Variants in SLC24A3 observed in about 807,000 individuals in gnomAD.
SLC24A3 encodes the protein sodium/potassium/calcium exchanger 3.
In SLC24A3, 28 loss-of-function variants were observed where a neutral mutation model predicts 75.8. The ratio of observed to expected loss-of-function variants is 0.37; its 90% CI spans 0.27 to 0.51. The LOEUF (loss-of-function observed/expected upper bound fraction) is 0.51, where lower values mean the gene tolerates loss of function less well. SLC24A3 is among the 20% of genes least tolerant of loss of function. SLC24A3 has a pLI of 0.94. For synonymous variants in SLC24A3, 372 were observed against 334.1 expected (o/e 1.11, Z -1.24); for missense variants, 663 against 847.8 (o/e 0.78, Z 2.71).
chr20:19,253,099 A>G (rs573218868), intron 1 of SLC24A3, among the ~76,000 whole-genome samples: 1 of 152,290 alleles, frequency 6.6e-6, no homozygotes, highest in Non-Finnish European at 1.5e-5. Flanking sequence ...ACGGGATGGT[A>G]TCATTTATAG....
intron 2 of SLC24A3, among the ~76,000 whole-genome samples, chr20:19,350,202 T>C (rs921521693): frequency 1.3e-5 from 2 of 152,256 alleles, no homozygotes; most frequent in African/African-American, 4.8e-5. Context: ...ATAACTTTTT[T>C]ATGTGATATT....
At chr20:19,310,281 G>A (rs1197827750) in intron 2 of SLC24A3, among the ~76,000 whole-genome samples, 1 of 152,276 alleles carries the variant, frequency 6.6e-6, no homozygotes, top group Middle Eastern at 3.4e-3. Flanking sequence ...GAGCTTATTG[G>A]CCACACAGAA....
At chr20:19,289,979 A>G (rs1427493584) in intron 2 of SLC24A3, among the ~76,000 whole-genome samples, 1 of 152,194 alleles carries the variant, frequency 6.6e-6, no homozygotes, top group Admixed American at 6.5e-5. Flanking sequence ...CTTAGGTCAC[A>G]TAATCTGGGT....
intron 2 of SLC24A3, among the ~76,000 whole-genome samples, chr20:19,294,650 T>C (rs904033342): frequency 6.6e-6 from 1 of 152,238 alleles, no homozygotes; most frequent in Non-Finnish European, 1.5e-5. Context: ...TATTCCATGG[T>C]GCATATGTAC....
rs747810399 is a variant in SLC24A3, at chr20:19,626,430, AT to A, written c.613-27627del. On this transcript the variant is annotated intron_variant, in intron 6 of 16. Transcript: ENST00000328041. ...TCCAATATTTTTCTAAAAGACACTT[AT>A]TTTTGTACATTGTTATTGAAGGTGA... Among the ~76,000 whole-genome samples the A allele has an allele frequency of 5.9e-5, 9 of 152,312 alleles. 2 individuals carry two copies.
intron 3 of SLC24A3, among the ~76,000 whole-genome samples, chr20:19,566,842 A>T (rs2122616947): frequency 6.6e-6 from 1 of 152,288 alleles, no homozygotes; most frequent in East Asian, 1.9e-4. Flanking sequence ...GTGAGAGGGG[A>T]TTTCACTTTT....
At chr20:19,358,992 A>G (rs1397045314) in intron 2 of SLC24A3, among the ~76,000 whole-genome samples, 1 of 152,208 alleles carries the variant, frequency 6.6e-6, no homozygotes, top group Non-Finnish European at 1.5e-5. Context: ...CTGTGTGCAT[A>G]TATCACATTT....
chr20:19,632,501 C>T (rs2031946907), intron 6 of SLC24A3, among the ~76,000 whole-genome samples: 1 of 152,204 alleles, frequency 6.6e-6, no homozygotes, highest in South Asian at 2.1e-4. Context: ...GATCCTCCTT[C>T]TTCCCTCTTG....
chr20:19,645,769 T>A (rs2032129462), intron 6 of SLC24A3, among the ~76,000 whole-genome samples: 1 of 152,098 alleles, frequency 6.6e-6, no homozygotes, highest in African/African-American at 2.4e-5. Context: ...AAACAGGGGC[T>A]CAGGCCGAGC....
chr20:19,523,508 C>T (rs1024822310), intron 3 of SLC24A3, among the ~76,000 whole-genome samples: 1 of 152,206 alleles, frequency 6.6e-6, no homozygotes, highest in Non-Finnish European at 1.5e-5. Context: ...GCCTCACCCC[C>T]TTGATCATGA....
chr20:19,527,748 A>G (rs2030225013), intron 3 of SLC24A3, among the ~76,000 whole-genome samples: 1 of 152,222 alleles, frequency 6.6e-6, no homozygotes, highest in African/African-American at 2.4e-5. Flanking sequence ...CCCTTTCTGA[A>G]CATTTGCACA....
chr20:19,391,836 G>A (rs1009675564), intron 2 of SLC24A3, among the ~76,000 whole-genome samples: 1 of 152,150 alleles, frequency 6.6e-6, no homozygotes, highest in South Asian at 2.1e-4. Context: ...TGACTCCTCT[G>A]GCCTCTTGAG....
At chr20:19,236,621 T>G (rs1452382185) in intron 1 of SLC24A3, among the ~76,000 whole-genome samples, 3 of 152,084 alleles carry the variant, frequency 2.0e-5, no homozygotes, top group Non-Finnish European at 4.4e-5. Flanking sequence ...CCAGGCATGG[T>G]GGTGCATGCC....
intron 2 of SLC24A3, among the ~76,000 whole-genome samples, chr20:19,348,906 C>A (rs1171162662): frequency 6.6e-6 from 1 of 152,118 alleles, no homozygotes; most frequent in Non-Finnish European, 1.5e-5. Flanking sequence ...GAGACAATTT[C>A]TCCCTCAGGT....
At chr20:19,308,240 G>A (rs1290047435) in intron 2 of SLC24A3, among the ~76,000 whole-genome samples, 3 of 152,196 alleles carry the variant, frequency 2.0e-5, no homozygotes, top group African/African-American at 7.2e-5. Context: ...AAAGGAAAAG[G>A]TCTCTAGTGG....
At chr20:19,484,799 G>A (rs1988105900) in intron 2 of SLC24A3, among the ~76,000 whole-genome samples, 1 of 152,078 alleles carries the variant, frequency 6.6e-6, no homozygotes, top group Non-Finnish European at 1.5e-5. Context: ...CTACTGAGCT[G>A]TTCATTTAAA....
chr20:19,610,871 G>A (rs1032588148), intron 6 of SLC24A3, among the ~76,000 whole-genome samples: 6 of 152,186 alleles, frequency 3.9e-5, no homozygotes, highest in African/African-American at 1.4e-4. Context: ...GGCAGAGTGG[G>A]CTCGGGCCAC....
chr20:19,223,838 A>G (rs2122136664), intron 1 of SLC24A3, among the ~76,000 whole-genome samples: 1 of 152,298 alleles, frequency 6.6e-6, no homozygotes, highest in Non-Finnish European at 1.5e-5. Flanking sequence ...CCACACCATG[A>G]CAGTCGATCT....
At chr20:19,296,372 A>G (rs187976662) in intron 2 of SLC24A3, among the ~76,000 whole-genome samples, 438 of 123,762 alleles carry the variant, frequency 3.5e-3, no homozygotes, top group African/African-American at 0.011. Context: ...GATCTTGGTT[A>G]TTTCTTGTCT....
Sources: gnomAD v4.1 joint callset for allele counts (sites outside exome capture counted in the v4.1 genomes callset) on GRCh38, gnomAD v4.1.1 for gene constraint, MANE v1.5 for transcripts, NCBI Gene and HGNC (gene_info 2026-07-23, HGNC 2026-07-21) for gene names.